The following PUM3 variants were observed in gnomAD, a reference collection of about 807,000 sequenced individuals.
PUM3 encodes pumilio homolog 3.
Under a neutral mutation model 84.0 loss-of-function variants are expected in PUM3, and 91 were observed. The ratio of observed to expected loss-of-function variants is 1.08; its 90% confidence interval spans 0.91 to 1.29. The LOEUF is 1.29. PUM3 is among the 50% of genes most tolerant of loss of function. PUM3 has a pLI of 0.00. For synonymous variants in PUM3, 321 were observed against 266.7 expected (o/e 1.20, Z -1.98); for missense variants, 1,067 against 767.5 (o/e 1.39, Z -4.61).
Position 2,838,526 on chromosome 9 carries a change from C to T in PUM3, c.-10-9G>A, listed in dbSNP as rs1011901293. The stretch of plus-strand genomic sequence containing the variant: ...CTTCCATCGTAGCAACTCTGGAAAA[C>T]CAAAACCAAAACCAAAAACAATCAC... On this transcript the variant is annotated splice_polypyrimidine_tract_variant and intron_variant, in intron 1 of 17. Transcript: ENST00000397885. 1 of 1,517,094 alleles carries T rather than the reference C, an allele frequency of 6.6e-7. No individual in the cohort carries two copies. The highest frequency in any genetic ancestry group is 9.2e-7 in the Non-Finnish European group (1 of 1,091,940). The allele number at this position is 1,517,094 out of a possible 1,614,324, so 94.0% of individuals were successfully genotyped here. A position where few individuals can be genotyped will look rare whatever the true frequency, so the allele number is the denominator to read the frequency against.
chr9:2,807,999 A>C (rs1821296483), intron 16 of PUM3, 95 bp from the exon 17 acceptor site: 1 of 763,830 alleles, frequency 1.3e-6, no homozygotes, highest in African/African-American at 1.8e-5. Context: ...AATATTTTTA[A>C]ACAAAAAAGC....
rs1456949770 is a variant in PUM3 at position 2,841,770 on chromosome 9, T to A, written c.-11+2275A>T. 2.0e-5 allele frequency among the ~76,000 whole-genome samples: 3 copies of A among 151,672 alleles called. No homozygotes were observed. The South Asian group carries it at 6.2e-4, about 31-fold the overall frequency. Reference sequence around the variant, plus strand: ...CCCTTCGGCCCCTCACCCTCTTTAGTGAAGTTACATGTTTATAATATAGTT... The same window carrying A: ...CCCTTCGGCCCCTCACCCTCTTTAGAGAAGTTACATGTTTATAATATAGTT... On this transcript the variant is annotated intron_variant, in intron 1 of 17. Transcript: ENST00000397885.
chr9:2,835,747 G>C (rs913615323), intron 3 of PUM3, among the ~76,000 whole-genome samples: 8 of 152,104 alleles, frequency 5.3e-5, no homozygotes, highest in Admixed American at 2.6e-4. Context: ...TTATCAGTGT[G>C]GGGGTTGTCT....
Position 2,834,035 on chromosome 9 carries a change from T to C in PUM3, c.436A>G (p.Arg146Gly), listed in dbSNP as rs1270590289. 1 of 1,613,166 alleles carries C rather than the reference T, an allele frequency of 6.2e-7. No homozygotes were observed. The highest frequency in any genetic ancestry group is 2.2e-5 in the East Asian group (1 of 44,854). ...GGCATCTTTAGGTAGAATTACCTTC[T>C]TAAAATCTCCCACATCTGCTTTGCC... is the stretch of plus-strand genomic sequence containing the variant. ...VRAKQMWEIL[R>G]RKDCDKEKRV... Residue 146 changes from arginine (R) to glycine (G), a missense_variant, in exon 4 of 18, where the codon AGA (arginine) becomes GGA (glycine). By Grantham distance (125) the Arg-to-Gly change is moderately radical. Coordinates refer to ENST00000397885, the MANE Select transcript of PUM3 (RefSeq NM_014878.5).
intron 5 of PUM3, 138 bp downstream of exon 5, chr9:2,833,219 T>C: frequency 2.1e-6 from 1 of 481,396 alleles, no homozygotes; most frequent in Non-Finnish European, 3.7e-6. Flanking sequence ...TAGTTCAGTG[T>C]TATGGAAGAT....
chr9:2,827,658 G>C (rs183602574), intron 9 of PUM3, among the ~76,000 whole-genome samples: 62 of 152,312 alleles, frequency 4.1e-4, no homozygotes, highest in African/African-American at 1.4e-3. Context: ...ACACTTGGTG[G>C]ATCCAGGTGT....
rs1378645264 is a variant in PUM3 at position 2,812,309 on chromosome 9, G to A, written c.1323C>T (p.Val441=). 9 of 1,600,988 alleles carry A rather than the reference G, an allele frequency of 5.6e-6. No homozygotes were observed. The highest frequency in any genetic ancestry group is 2.2e-5 in the East Asian group (1 of 44,802). ...SIVNDKYGRK[V]LLYLLSPRDP... is the part of the protein sequence containing the mutation. ...CTCTGGGGCTTAGTAAGTACAATAG[G>A]ACCTTCCTTCCATATTTGTCATTTA... Residue 441 remains valine, a synonymous_variant, in exon 14 of 18, where the codon GTC becomes GTT. Transcript: ENST00000397885.
At position 2,843,178 on chromosome 9, in the gene PUM3, C is replaced by T. The variant is rs115393113; in HGVS notation, c.-11+867G>A. Among the ~76,000 whole-genome samples, 1,267 of 152,168 alleles carry T rather than the reference C, an allele frequency of 8.3e-3. 17 individuals are homozygous for T. Among genetic ancestry groups the T allele is most frequent in the African/African-American group, 0.028 (1,169 of 41,508 alleles). On this transcript the variant is annotated intron_variant, in intron 1 of 17. Transcript: ENST00000397885. ...TTCCTATTGTACAGAAAAAAAAATT[C>T]CCCATCATGACCTTCAAGGCCCTAC...
intron 17 of PUM3, among the ~76,000 whole-genome samples, chr9:2,807,475 C>T (rs947831829): frequency 3.3e-5 from 5 of 150,926 alleles, no homozygotes; most frequent in African/African-American, 4.9e-5. Flanking sequence ...TGGTGGCATG[C>T]GTCTGTAGTC....
chr9:2,839,752 C>G (rs769473537), intron 1 of PUM3, among the ~76,000 whole-genome samples: 17 of 152,236 alleles, frequency 1.1e-4, no homozygotes, highest in Non-Finnish European at 1.9e-4. Flanking sequence ...GCCATCATAA[C>G]CATACCTGCA....
chr9:2,806,103 G>A (rs371183420), intron 17 of PUM3, among the ~76,000 whole-genome samples: 11 of 152,228 alleles, frequency 7.2e-5, no homozygotes, highest in African/African-American at 2.6e-4. Context: ...TCCTTCCTAT[G>A]TTTGAAATCC....
intron 16 of PUM3, 134 bp from the exon 17 acceptor site, chr9:2,808,038 C>CT (rs901015597): frequency 1.6e-6 from 1 of 607,010 alleles, no homozygotes; most frequent in African/African-American, 1.9e-5. Flanking sequence ...CCCAATCTCC[C>CT]TTTTAACACA....
At chr9:2,843,298 T>G (rs541653376) in intron 1 of PUM3, among the ~76,000 whole-genome samples, 1 of 152,248 alleles carries the variant, frequency 6.6e-6, no homozygotes, top group Admixed American at 6.5e-5. Context: ...CATTATCGCC[T>G]CTGCTTGAAG....
At chr9:2,836,411 C>A (rs1563835741) in intron 3 of PUM3, among the ~76,000 whole-genome samples, 1 of 152,138 alleles carries the variant, frequency 6.6e-6, no homozygotes, top group Non-Finnish European at 1.5e-5. Context: ...CAGTGCAGGA[C>A]AAAGCACGAC....
At chr9:2,823,637 A>G (rs555410848) in intron 12 of PUM3, 144 bp downstream of exon 12, 6 of 448,214 alleles carry the variant, frequency 1.3e-5, no homozygotes, top group African/African-American at 6.1e-5. Context: ...AAAATATGAA[A>G]ATACATGTAG....
intron 11 of PUM3, 40 bp downstream of exon 11, chr9:2,824,677 G>C (rs7861549): frequency 2.7e-5 from 36 of 1,333,574 alleles, no homozygotes; most frequent in Non-Finnish European, 3.4e-5. Context: ...GCATGGCCCT[G>C]ACTTGTACAG....
At chr9:2,811,772 TC>T (rs745765400) in intron 14 of PUM3, among the ~76,000 whole-genome samples, 189 bp from the exon 15 acceptor site, 6 of 149,304 alleles carry the variant, frequency 4.0e-5, no homozygotes, top group Non-Finnish European at 8.9e-5. Flanking sequence ...AATGTTTGTG[TC>T]CCACGATCTG....
Position 2,823,839 on chromosome 9 carries a change from A to G in PUM3, c.1135-5T>C. 6.6e-7 allele frequency: 1 copy of G among 1,508,200 alleles called. No individual in the cohort carries two copies. The highest frequency in any genetic ancestry group is 2.3e-5 in the East Asian group (1 of 43,090). The allele number at this position is 1,508,200 out of a possible 1,614,324, so 93.4% of individuals were successfully genotyped here. ...TTTCACAATCACTTTCCTGTCCTTA[A>G]AAAGGAAAGATTGTCTCACTGAATT... On this transcript the variant is annotated splice_region_variant and splice_polypyrimidine_tract_variant and intron_variant, in intron 11 of 17. Coordinates refer to ENST00000397885, the MANE Select transcript of PUM3 (RefSeq NM_014878.5).
At chr9:2,837,146 G>C in intron 3 of PUM3, 34 bp downstream of exon 3, 1 of 1,559,900 alleles carries the variant, frequency 6.4e-7, no homozygotes, top group South Asian at 1.1e-5. Context: ...AATCGTTCAG[G>C]CACTAGTTCA....
Sources: allele counts gnomAD v4.1 joint callset (sites outside exome capture counted in the v4.1 genomes callset), GRCh38; gene constraint gnomAD v4.1.1; transcripts MANE v1.5; gene names NCBI Gene and HGNC (gene_info 2026-07-23, HGNC 2026-07-21).